NCOA6: variants seen among roughly 807,000 people sequenced by gnomAD.
The protein encoded by NCOA6 is NRC RAP250.
NCOA6 carries 49 observed loss-of-function variants against 171.4 expected under a neutral mutation model. The ratio of observed to expected loss-of-function variants is 0.29; its 90% CI spans 0.23 to 0.36. The LOEUF (loss-of-function observed/expected upper bound fraction) is 0.36, where lower values mean the gene tolerates loss of function less well. Among genes scored for constraint, NCOA6 ranks in the 10% least tolerant of loss-of-function variants. The pLI is 1.00. For synonymous variants in NCOA6, 910 were observed against 927.5 expected (o/e 0.98, Z 0.34); for missense variants, 2,248 against 2,554.5 (o/e 0.88, Z 2.59).
At chr20:34,738,744 G>T (rs2076035658) in intron 11 of NCOA6, among the ~76,000 whole-genome samples, 1 of 152,212 alleles carries the variant, frequency 6.6e-6, no homozygotes, top group Non-Finnish European at 1.5e-5. Context: ...TAAATTCTGG[G>T]AGGTAGAATG....
intron 1 of NCOA6, among the ~76,000 whole-genome samples, chr20:34,821,834 G>A (rs998739922): frequency 2.4e-4 from 37 of 152,190 alleles, no homozygotes; most frequent in African/African-American, 7.5e-4. Context: ...TGATCCGCCC[G>A]CCTCGGCCTC....
Position 34,715,076 on chromosome 20 carries a change from G to A in NCOA6, c.*246C>T. ...GTGAAAACTAGTAACATTTATAATG[G>A]CATTAGCTCCTTTCAATACAAGACA... On this transcript the variant is annotated 3_prime_UTR_variant, in exon 15 of 15. Coordinates refer to ENST00000359003, the MANE Select transcript of NCOA6 (RefSeq NM_014071.5). 1 of 458,524 alleles carries A rather than the reference G, an allele frequency of 2.2e-6. No homozygotes were observed. Among genetic ancestry groups the A allele is most frequent in the Non-Finnish European group, 4.0e-6 (1 of 249,082 alleles). 28.4% of individuals were successfully genotyped at this position (458,524 alleles called of 1,614,324 possible).
chr20:34,745,759 G>A (rs1184661451), intron 10 of NCOA6, among the ~76,000 whole-genome samples: 1 of 152,154 alleles, frequency 6.6e-6, no homozygotes, highest in Non-Finnish European at 1.5e-5. Context: ...CGTGTCATAG[G>A]GGAATAAAGT....
intron 12 of NCOA6, among the ~76,000 whole-genome samples, chr20:34,735,459 C>G (rs1163774672): frequency 6.6e-6 from 1 of 152,044 alleles, no homozygotes; most frequent in Non-Finnish European, 1.5e-5. Flanking sequence ...TCCTGGCTAA[C>G]ATGGTGAAAC....
intron 1 of NCOA6, among the ~76,000 whole-genome samples, chr20:34,803,239 G>T (rs1280585697): frequency 4.6e-5 from 7 of 152,098 alleles, no homozygotes; most frequent in Admixed American, 1.3e-4. Flanking sequence ...ATGCCAAGGC[G>T]ACTGCATCAC....
chr20:34,782,677 A>G (rs887329098), intron 2 of NCOA6, among the ~76,000 whole-genome samples: 2 of 152,164 alleles, frequency 1.3e-5, no homozygotes, highest in Non-Finnish European at 2.9e-5. Context: ...AGGAGAAGGG[A>G]AGAAAGGATC....
At chr20:34,782,463 T>C (rs6060048) in intron 2 of NCOA6, 59 bp from the exon 3 acceptor site, 201,323 of 430,794 alleles carry the variant, frequency 0.47, 48,152 homozygotes, top group East Asian at 0.64. Flanking sequence ...CAACAATGTA[T>C]AATTCATAGT....
chr20:34,766,740 A>G (rs142429604), intron 5 of NCOA6, among the ~76,000 whole-genome samples: 20 of 152,328 alleles, frequency 1.3e-4, no homozygotes, highest in African/African-American at 4.8e-4. Context: ...AGATGTTTAT[A>G]GGCAACTAGA....
chr20:34,716,785 C>G (rs562411714), intron 14 of NCOA6, among the ~76,000 whole-genome samples: 1 of 151,460 alleles, frequency 6.6e-6, no homozygotes, highest in Non-Finnish European at 1.5e-5. Context: ...AAAAAAAATT[C>G]TACACAAAGT....
intron 1 of NCOA6, among the ~76,000 whole-genome samples, chr20:34,802,936 C>T (rs1385456205): frequency 6.6e-6 from 1 of 151,786 alleles, no homozygotes; most frequent in Non-Finnish European, 1.5e-5. Flanking sequence ...GTAGATGGAC[C>T]CAAGTGATCC....
At chr20:34,770,327 G>T (rs1476743313) in intron 4 of NCOA6, among the ~76,000 whole-genome samples, 1 of 151,996 alleles carries the variant, frequency 6.6e-6, no homozygotes, top group Non-Finnish European at 1.5e-5. Context: ...GCCTGGCTAG[G>T]TCAGCTTTCT....
At position 34,742,192 on chromosome 20, in the gene NCOA6, G is replaced by C; in HGVS notation, c.4064C>G (p.Thr1355Ser). 6.2e-7 allele frequency: 1 copy of C among 1,614,226 alleles called. No homozygotes were observed. The highest frequency in any genetic ancestry group is 8.5e-7 in the Non-Finnish European group (1 of 1,180,050). The change falls in exon 11 of 15, where the codon ACT becomes AGT. Residue 1355 changes from threonine (T) to serine (S), a missense_variant. This residue lies in a region of NCOA6 where 884 missense variants were observed against 941.9 expected (regional missense o/e 0.94). Coordinates refer to ENST00000359003, the MANE Select transcript of NCOA6 (RefSeq NM_014071.5). The stretch of plus-strand genomic sequence containing the variant: ...GGCTGCATTTGTCTGAGAGGCCAGA[G>C]TAAGTTTAGGGGCTTTTGAATTTTG... Reference protein sequence around the residue: ...GRQNSKAPKLTLASQTNAALL... With the variant: ...GRQNSKAPKLSLASQTNAALL...
chr20:34,822,414 A>C (rs2079033665), intron 1 of NCOA6, among the ~76,000 whole-genome samples: 1 of 152,168 alleles, frequency 6.6e-6, no homozygotes, highest in African/African-American at 2.4e-5. Context: ...TCTTTACCTG[A>C]AAGGCCCTTC....
chr20:34,775,787 T>A (rs150327302), intron 4 of NCOA6, among the ~76,000 whole-genome samples: 1 of 151,234 alleles, frequency 6.6e-6, no homozygotes, highest in African/African-American at 2.4e-5. Flanking sequence ...AATACTAAAG[T>A]TTATTTGGTG....
At chr20:34,774,416 T>G (rs2077247261) in intron 4 of NCOA6, among the ~76,000 whole-genome samples, 1 of 152,248 alleles carries the variant, frequency 6.6e-6, no homozygotes, top group Non-Finnish European at 1.5e-5. Context: ...AAGCCACTAT[T>G]CTCTCATTTA....
At chr20:34,739,950 G>A (rs2076079416) in intron 11 of NCOA6, among the ~76,000 whole-genome samples, 1 of 151,998 alleles carries the variant, frequency 6.6e-6, no homozygotes, top group Non-Finnish European at 1.5e-5. Flanking sequence ...TGCAACCTCT[G>A]CTCCCAGGTT....
intron 1 of NCOA6, among the ~76,000 whole-genome samples, chr20:34,799,262 C>A (rs757878529): frequency 6.6e-6 from 1 of 152,104 alleles, no homozygotes; most frequent in Non-Finnish European, 1.5e-5. Context: ...AAATGGTGAG[C>A]TTGAAGACAG....
At chr20:34,787,335 C>T (rs73106997) in intron 2 of NCOA6, among the ~76,000 whole-genome samples, 18,461 of 151,622 alleles carry the variant, frequency 0.12, 1,504 homozygotes, top group Middle Eastern at 0.21. Flanking sequence ...ACCACTCCTG[C>T]CAACACAGTA....
chr20:34,731,261 C>G (rs1226316080), intron 13 of NCOA6, among the ~76,000 whole-genome samples: 3 of 152,186 alleles, frequency 2.0e-5, no homozygotes, highest in Non-Finnish European at 4.4e-5. Context: ...CTCAAATGAT[C>G]TGCCTGCCTC....
Sources: allele counts gnomAD v4.1 joint callset (sites outside exome capture counted in the v4.1 genomes callset), GRCh38; gene constraint gnomAD v4.1.1; regional missense constraint gnomAD v4.1.1; transcripts MANE v1.5; gene names NCBI Gene and HGNC (gene_info 2026-07-23, HGNC 2026-07-21).